Variants in MRPS2 observed in about 807,000 individuals in gnomAD.
The protein encoded by MRPS2 is mitochondrial ribosomal protein S2.
A neutral mutation model predicts 18.9 loss-of-function variants in MRPS2; 13 were observed. The observed-to-expected ratio is 0.69, with a 90% CI of 0.45 to 1.09. The LOEUF (loss-of-function observed/expected upper bound fraction) is 1.09. MRPS2 is among the 50% of genes least tolerant of loss of function. The pLI is 0.00. For synonymous variants in MRPS2, 186 were observed against 178.4 expected (o/e 1.04, Z -0.34); for missense variants, 389 against 421.7 (o/e 0.92, Z 0.68).
intron 3 of MRPS2, chr9:135,502,336 A>G: frequency 1.1e-6 from 1 of 912,292 alleles, no homozygotes; most frequent in Non-Finnish European, 1.3e-6. Flanking sequence ...CTGTATTCTC[A>G]CATGGTCATT....
At chr9:135,500,920 G>T (rs778102287) in intron 1 of MRPS2, 78 bp from the exon 2 acceptor site, 7 of 1,590,852 alleles carry the variant, frequency 4.4e-6, no homozygotes, top group East Asian at 2.2e-5. Context: ...ACGCGGAGGG[G>T]CCCGTTGGGG....
At chr9:135,500,063 C>T, upstream of MRPS2, 1 of 557,724 alleles carries the variant, frequency 1.8e-6, no homozygotes, top group South Asian at 2.6e-5. Flanking sequence ...TGTGAGGCAG[C>T]CCCAGGCCCC....
Position 135,503,641 on chromosome 9 carries a change from C to A in MRPS2, c.399C>A (p.Ala133=). 6.2e-7 allele frequency: 1 copy of A among 1,613,888 alleles called. No individual in the cohort carries two copies. The highest frequency in any genetic ancestry group is 8.5e-7 in the Non-Finnish European group (1 of 1,180,038). The change falls in exon 4 of 4, where the codon GCC becomes GCA. Residue 133 remains alanine (A), a synonymous_variant. Transcript: ENST00000241600. ...TCCAGCTGGCCTTGAACTTCACCGC[C>A]CACATGGCCTACCGCAAGGGCATCA... is the stretch of plus-strand genomic sequence containing the variant. ...THLQLALNFT[A]HMAYRKGIIL...
chr9:135,501,215 C>T, intron 2 of MRPS2, 92 bp downstream of exon 2: 2 of 1,456,784 alleles, frequency 1.4e-6, no homozygotes, highest in East Asian at 5.0e-5. Context: ...GGGCGCTGCA[C>T]GCGGTCGAAA....
chr9:135,503,154 A>G (rs905154578), intron 3 of MRPS2: 28 of 1,067,828 alleles, frequency 2.6e-5, no homozygotes, highest in Non-Finnish European at 3.2e-5. Flanking sequence ...GCTAAGTCCA[A>G]CCCCAGAGGG....
rs751012428 is a variant in MRPS2 at position 135,503,568 on chromosome 9, G to T, written c.326G>T (p.Ser109Ile). 5.6e-6 allele frequency: 9 copies of T among 1,613,528 alleles called. No individual in the cohort carries two copies. Among genetic ancestry groups the T allele is most frequent in the Non-Finnish European group, 7.6e-6 (9 of 1,179,938 alleles). ...HRFMEPYIFG[S>I]RLDHDIIDLE... is the part of the protein sequence containing the mutation. ...TTTATGGAGCCGTACATCTTTGGGA[G>T]CCGCCTGGACCACGACATCATCGAC... Residue 109 changes from serine (S) to isoleucine (I), a missense_variant, in exon 4 of 4, where the codon AGC becomes ATC. Coordinates refer to ENST00000241600, the MANE Select transcript of MRPS2 (RefSeq NM_016034.5).
rs767581861 is a variant in MRPS2, at chr9:135,501,033, G to C, written c.79G>C (p.Gly27Arg). The change falls in exon 2 of 4, where the codon GGG (glycine) becomes CGG (arginine). Residue 27 changes from glycine to arginine, a missense_variant. Gly to Arg is a moderately radical substitution (Grantham distance 125). Coordinates refer to ENST00000241600, the MANE Select transcript of MRPS2 (RefSeq NM_016034.5). ...CCCGTCGCGCTGGTTGGGCTTTCTC[G>C]GGAAGGCGACCCCCCGGCCTGCTCG... ...RAPSRWLGFL[G>R]KATPRPARPS... 4 of 1,611,624 alleles carry C rather than the reference G, an allele frequency of 2.5e-6. No homozygotes were observed. Among genetic ancestry groups the C allele is most frequent in the Non-Finnish European group, 3.4e-6 (4 of 1,179,494 alleles).
At chr9:135,503,460 G>A in intron 3 of MRPS2, 82 bp from the exon 4 acceptor site, 1 of 1,448,684 alleles carries the variant, frequency 6.9e-7, no homozygotes, top group Non-Finnish European at 9.2e-7. Context: ...AGTCCCTGGT[G>A]GGCGTCTGTG....
rs1464320552 is a variant in MRPS2, at chr9:135,503,876, G to A, written c.634G>A (p.Ala212Thr). 1.2e-5 allele frequency: 20 copies of A among 1,613,838 alleles called. No individual in the cohort carries two copies. The highest frequency in any genetic ancestry group is 2.7e-5 in the African/African-American group (2 of 74,912). The change falls in exon 4 of 4, where the codon GCA becomes ACA. Residue 212 changes from alanine (A) to threonine (T), a missense_variant. Ala to Thr is a moderately conservative substitution (Grantham distance 58). Coordinates refer to ENST00000241600, the MANE Select transcript of MRPS2 (RefSeq NM_016034.5). ...IFEPHVAVRD[A>T]AKMNIPTVGI... ...TGAGCCACACGTGGCCGTGAGAGAC[G>A]CAGCCAAGATGAACATCCCCACAGT...
At chr9:135,501,773 G>T in intron 2 of MRPS2, 71 bp from the exon 3 acceptor site, 1 of 1,584,132 alleles carries the variant, frequency 6.3e-7, no homozygotes, top group Non-Finnish European at 8.6e-7. Flanking sequence ...AGGGGTGGGC[G>T]GGAACTGCGC....
At position 135,501,074 on chromosome 9, in the gene MRPS2, G is replaced by A. The variant is rs774940299; in HGVS notation, c.120G>A (p.Thr40=). The change falls in exon 2 of 4, where the codon ACG becomes ACA. Residue 40 remains threonine (T), a synonymous_variant. Transcript: ENST00000241600. ...TPRPARPSRR[T]LGSATALMIR... ...GGCCTGCTCGGCCGAGCCGCAGGAC[G>A]CTTGGAAGCGCGACGGCCCTTATGA... 3.1e-6 allele frequency: 5 copies of A among 1,609,664 alleles called. No individual in the cohort carries two copies. Among genetic ancestry groups the A allele is most frequent in the Admixed American group, 1.7e-5 (1 of 59,772 alleles).
In MRPS2 at chr9:135,504,025, G is replaced by A. The variant is rs1001620099; in HGVS notation, c.783G>A (p.Lys261=). The part of the protein sequence containing the change: ...RLFQTAITRA[K]EKRQQVEALY... ...TCCAGACGGCCATCACCCGGGCCAA[G>A]GAGAAGCGGCAGCAGGTTGAGGCTC... Residue 261 remains lysine, a synonymous_variant, in exon 4 of 4, where the codon AAG becomes AAA. Transcript: ENST00000241600. The surrounding 1 kb of genome is among the most constrained non-coding windows in gnomAD (Gnocchi z 4.3). 15 of 1,613,336 alleles carry A rather than the reference G, an allele frequency of 9.3e-6. No individual in the cohort carries two copies. The highest frequency in any genetic ancestry group is 1.3e-5 in the African/African-American group (1 of 74,948).
In MRPS2 at chr9:135,504,141, T is replaced by C; in HGVS notation, c.*8T>C. The C allele has an allele frequency of 6.3e-7, 1 of 1,578,570 alleles. No individual in the cohort carries two copies. The highest frequency in any genetic ancestry group is 8.6e-7 in the Non-Finnish European group (1 of 1,166,292). On this transcript the variant is annotated 3_prime_UTR_variant, in exon 4 of 4. Transcript: ENST00000241600. The surrounding 1 kb of genome is among the most constrained non-coding windows in gnomAD (Gnocchi z 4.3). ...ATGAGCCATTCCCTGTGATGTTCAC[T>C]CTCCTCCCAAAGCAAACCACAGCCA... is the stretch of plus-strand genomic sequence containing the variant.
intron 3 of MRPS2, 34 bp from the exon 4 acceptor site, chr9:135,503,508 C>G: frequency 1.3e-6 from 2 of 1,592,102 alleles, no homozygotes; most frequent in Non-Finnish European, 1.7e-6. Context: ...CCCGTGAACT[C>G]TCATCCCCCT....
At chr9:135,500,651 G>A, upstream of MRPS2, 1 of 1,401,132 alleles carries the variant, frequency 7.1e-7, no homozygotes, top group Non-Finnish European at 9.2e-7. Context: ...GATGGCGACG[G>A]AAGGGGAGGC....
At position 135,503,951 on chromosome 9, in the gene MRPS2, C is replaced by G. The variant is rs1831222360; in HGVS notation, c.709C>G (p.Pro237Ala). 1 of 1,613,928 alleles carries G rather than the reference C, an allele frequency of 6.2e-7. No homozygotes were observed. The highest frequency in any genetic ancestry group is 1.3e-5 in the African/African-American group (1 of 75,058). The change falls in exon 4 of 4, where the codon CCC becomes GCC. Residue 237 changes from proline (P) to alanine (A), a missense_variant. Transcript: ENST00000241600. Reference protein sequence around the residue: ...CNPCLITYPVPGNDDSPLAVH... With the variant: ...CNPCLITYPVAGNDDSPLAVH... Reference sequence around the variant, plus strand: ...CCCCTGCCTCATCACCTACCCTGTACCCGGCAATGACGACTCTCCGCTGGC... The same window carrying G: ...CCCCTGCCTCATCACCTACCCTGTAGCCGGCAATGACGACTCTCCGCTGGC...
chr9:135,504,227 GTTAC>G lies in MRPS2; in HGVS notation c.*100_*103del, dbSNP rs1257502159. The stretch of plus-strand genomic sequence containing the variant: ...TGGGTCAGCGGCATCCTCAGTCGTT[GTTAC>G]TTACTCAGCTGATGTCACAGTGCAG... On this transcript the variant is annotated 3_prime_UTR_variant, in exon 4 of 4. Coordinates refer to ENST00000241600, the MANE Select transcript of MRPS2 (RefSeq NM_016034.5). The surrounding 1 kb of genome is among the most constrained non-coding windows in gnomAD (Gnocchi z 4.3). The G allele has an allele frequency of 8.6e-7, 1 of 1,160,428 alleles. No individual in the cohort carries two copies. The highest frequency in any genetic ancestry group is 1.6e-5 in the South Asian group (1 of 62,744). 71.9% of individuals were successfully genotyped at this position (1,160,428 alleles called of 1,614,324 possible).
In MRPS2 at chr9:135,501,029, T is replaced by C. The variant is rs764548286; in HGVS notation, c.75T>C (p.Phe25=). 2.5e-6 allele frequency: 4 copies of C among 1,611,524 alleles called. No individual in the cohort carries two copies. Among genetic ancestry groups the C allele is most frequent in the Non-Finnish European group, 3.4e-6 (4 of 1,179,488 alleles). The change falls in exon 2 of 4, where the codon TTT becomes TTC. Residue 25 remains phenylalanine (F), a synonymous_variant. Coordinates refer to ENST00000241600, the MANE Select transcript of MRPS2 (RefSeq NM_016034.5). ...GARAPSRWLG[F]LGKATPRPAR... ...GGGCCCCGTCGCGCTGGTTGGGCTT[T>C]CTCGGGAAGGCGACCCCCCGGCCTG...
rs202036292 is a variant in MRPS2, at chr9:135,501,109, C to T, written c.155C>T (p.Ser52Leu). 3.5e-4 allele frequency: 562 copies of T among 1,599,074 alleles called. 9 individuals are homozygous for T. The East Asian group carries it at 9.5e-3, about 27-fold the overall frequency. The change falls in exon 2 of 4, where the codon TCG becomes TTG. Residue 52 changes from serine to leucine, a missense_variant. Ser to Leu is a moderately radical substitution (Grantham distance 145). Transcript: ENST00000241600. ...GSATALMIRE[S>L]EDSTDFNDKI... ...GCGACGGCCCTTATGATCCGCGAGT[C>T]GGAGGACAGCACCGGTAACACTGGG...
Sources: gnomAD v4.1 joint callset for allele counts on GRCh38, gnomAD v4.1.1 for gene constraint, Gnocchi (gnomAD v3.1) non-coding constraint, MANE v1.5 for transcripts, NCBI Gene and HGNC (gene_info 2026-07-23, HGNC 2026-07-21) for gene names.